Variants in PRKAR2B observed in about 807,000 individuals in gnomAD.
PRKAR2B encodes cAMP-dependent protein kinase type II-beta regulatory subunit.
In PRKAR2B, 14 loss-of-function variants were observed where a neutral mutation model predicts 49.9. The ratio of observed to expected loss-of-function variants is 0.28; its 90% CI spans 0.19 to 0.44. The LOEUF (loss-of-function observed/expected upper bound fraction) is 0.44, where lower values mean the gene tolerates loss of function less well. PRKAR2B is among the 20% of genes least tolerant of loss of function. PRKAR2B has a pLI of 1.00. For synonymous variants in PRKAR2B, 196 were observed against 197.7 expected (o/e 0.99, Z 0.07); for missense variants, 393 against 537.9 (o/e 0.73, Z 2.67).
intron 7 of PRKAR2B, among the ~76,000 whole-genome samples, chr7:107,151,876 TAATC>T (rs1352001746): frequency 6.6e-6 from 1 of 152,212 alleles, no homozygotes; most frequent in Admixed American, 6.5e-5. Flanking sequence ...GAAAAATCAT[TAATC>T]AAGCCACTGT....
At chr7:107,089,061 C>T (rs537560355) in intron 2 of PRKAR2B, among the ~76,000 whole-genome samples, 3 of 151,680 alleles carry the variant, frequency 2.0e-5, no homozygotes, top group South Asian at 2.1e-4. Context: ...CTCTGCTACT[C>T]GGTAGGCTGA....
chr7:107,145,535 A>G (rs1179870363), intron 5 of PRKAR2B, among the ~76,000 whole-genome samples: 2 of 152,178 alleles, frequency 1.3e-5, no homozygotes, highest in Non-Finnish European at 2.9e-5. Context: ...TTAGATAACT[A>G]CAGTCAGTGA....
At chr7:107,108,433 G>C (rs968915556) in intron 2 of PRKAR2B, among the ~76,000 whole-genome samples, 3 of 152,186 alleles carry the variant, frequency 2.0e-5, no homozygotes, top group African/African-American at 4.8e-5. Flanking sequence ...GAGAGAAAGC[G>C]TGACAAGGAC....
chr7:107,119,105 G>C (rs546742299), intron 2 of PRKAR2B, among the ~76,000 whole-genome samples: 2 of 152,336 alleles, frequency 1.3e-5, no homozygotes, highest in East Asian at 1.9e-4. Flanking sequence ...TCTTACTCCA[G>C]ATGATTTTTA....
chr7:107,047,571 A>G (rs1383415512), intron 1 of PRKAR2B, among the ~76,000 whole-genome samples: 2 of 152,182 alleles, frequency 1.3e-5, no homozygotes, highest in East Asian at 1.9e-4. Context: ...ATTGGGGGAA[A>G]AAACAGGAGT....
At chr7:107,057,261 C>A (rs1466769139) in intron 1 of PRKAR2B, among the ~76,000 whole-genome samples, 1 of 152,110 alleles carries the variant, frequency 6.6e-6, no homozygotes, top group Non-Finnish European at 1.5e-5. Flanking sequence ...TTACCAAATA[C>A]CTTTGCTTGC....
At chr7:107,070,733 TTTTG>T (rs947635996) in intron 2 of PRKAR2B, among the ~76,000 whole-genome samples, 27 of 152,262 alleles carry the variant, frequency 1.8e-4, no homozygotes, top group African/African-American at 3.6e-4. Context: ...GTGAGTGTTT[TTTTG>T]TTTGTTTGTT....
chr7:107,055,827 T>C (rs1363967610), intron 1 of PRKAR2B, among the ~76,000 whole-genome samples: 3 of 152,212 alleles, frequency 2.0e-5, no homozygotes, highest in African/African-American at 7.2e-5. Flanking sequence ...TAATTACATC[T>C]CATTTGTCAA....
intron 8 of PRKAR2B, 133 bp from the exon 9 acceptor site, chr7:107,156,850 TC>T: frequency 2.7e-6 from 2 of 745,834 alleles, no homozygotes; most frequent in South Asian, 3.5e-5. Context: ...GACAGCTTGT[TC>T]CCTTAGGATT....
chr7:107,159,694 C>CT lies in PRKAR2B; in HGVS notation c.*119dup. On this transcript the variant is annotated 3_prime_UTR_variant, in exon 11 of 11. Coordinates refer to ENST00000265717, the MANE Select transcript of PRKAR2B (RefSeq NM_002736.3). ...ATTTTCTGTGATTTCAGGTTTTTTC[C>CT]TTTTTTTACATTTACAACGTATCAA... 3 of 1,205,196 alleles carry CT rather than the reference C, an allele frequency of 2.5e-6. No homozygotes were observed. The highest frequency in any genetic ancestry group is 3.5e-6 in the Non-Finnish European group (3 of 859,748). The allele number at this position is 1,205,196 out of a possible 1,614,324, so 74.7% of individuals were successfully genotyped here.
chr7:107,114,098 T>A (rs541721289), intron 2 of PRKAR2B, among the ~76,000 whole-genome samples: 13 of 152,308 alleles, frequency 8.5e-5, no homozygotes, highest in African/African-American at 2.4e-4. Context: ...ACTGAATGCA[T>A]ACTTGTAGAG....
intron 1 of PRKAR2B, among the ~76,000 whole-genome samples, chr7:107,060,740 A>T (rs1328175973): frequency 2.0e-5 from 3 of 151,908 alleles, no homozygotes; most frequent in Non-Finnish European, 1.5e-5. Context: ...TTTTGTTTAC[A>T]ATAACTTTGA....
chr7:107,110,412 G>T (rs903639115), intron 2 of PRKAR2B, among the ~76,000 whole-genome samples: 2 of 151,982 alleles, frequency 1.3e-5, no homozygotes, highest in African/African-American at 4.8e-5. Flanking sequence ...AGAGGCACGC[G>T]AGTTACTGAG....
chr7:107,146,384 G>A lies in PRKAR2B; in HGVS notation c.664G>A (p.Gly222Ser). ...TAACTATGATAATCGTGGGAGTTTC[G>A]GCGAACTGGCCTTAATGTACAATAC... ...VGNYDNRGSFGELALMYNTPR... is the reference protein window; with the variant it reads ...VGNYDNRGSFSELALMYNTPR... Residue 222 changes from glycine (G) to serine (S), a missense_variant, in exon 6 of 11, where the codon GGC becomes AGC. By Grantham distance (56) the Gly-to-Ser change is moderately conservative (BLOSUM62 0). Transcript: ENST00000265717. 2.5e-6 allele frequency: 4 copies of A among 1,614,074 alleles called. No individual in the cohort carries two copies. Among genetic ancestry groups the A allele is most frequent in the Non-Finnish European group, 3.4e-6 (4 of 1,179,992 alleles).
intron 2 of PRKAR2B, among the ~76,000 whole-genome samples, chr7:107,080,567 T>C (rs1794495831): frequency 6.6e-6 from 1 of 152,136 alleles, no homozygotes; most frequent in Non-Finnish European, 1.5e-5. Context: ...AAGATGGTGG[T>C]CTGGAGGGTC....
chr7:107,141,247 G>A (rs1405471833), intron 5 of PRKAR2B, among the ~76,000 whole-genome samples: 4 of 152,170 alleles, frequency 2.6e-5, no homozygotes, highest in Non-Finnish European at 5.9e-5. Flanking sequence ...GAGATATTAT[G>A]TAGTAGTATT....
At chr7:107,140,605 T>A (rs1423359387) in intron 4 of PRKAR2B, among the ~76,000 whole-genome samples, 1 of 152,252 alleles carries the variant, frequency 6.6e-6, no homozygotes, top group Non-Finnish European at 1.5e-5. Flanking sequence ...TGGTGATAGT[T>A]GCAAATATTC....
intron 1 of PRKAR2B, 152 bp from the exon 2 acceptor site, chr7:107,070,129 C>T: frequency 2.0e-6 from 1 of 498,586 alleles, no homozygotes; most frequent in Non-Finnish European, 3.5e-6. Flanking sequence ...TGAATTTCAG[C>T]ATTTAATTTT....
chr7:107,060,274 G>A (rs1181538171), intron 1 of PRKAR2B, among the ~76,000 whole-genome samples: 1 of 152,032 alleles, frequency 6.6e-6, no homozygotes, highest in African/African-American at 2.4e-5. Flanking sequence ...TTGATTGTAG[G>A]GGTGCACAGC....
Sources: gnomAD v4.1 joint callset for allele counts (sites outside exome capture counted in the v4.1 genomes callset) on GRCh38, gnomAD v4.1.1 for gene constraint, MANE v1.5 for transcripts, NCBI Gene and HGNC (gene_info 2026-07-23, HGNC 2026-07-21) for gene names.